B3GAT2: variants seen among roughly 807,000 people sequenced by gnomAD.
B3GAT2 encodes the protein galactosylgalactosylxylosylprotein 3-beta-glucuronosyltransferase 2.
Under a neutral mutation model 27.8 loss-of-function variants are expected in B3GAT2, and 26 were observed. That is an observed-to-expected ratio of 0.93 (90% confidence interval 0.68 to 1.30). The LOEUF is 1.30. Among genes scored for constraint, B3GAT2 ranks in the 50% most tolerant of loss-of-function variants. The pLI, the probability that B3GAT2 is intolerant of heterozygous loss-of-function variation, is 0.00. For missense variants in B3GAT2, 458 were observed against 459.0 expected (o/e 1.00, Z 0.02); for synonymous variants, 218 against 195.1 (o/e 1.12, Z -0.98).
chr6:70,894,622 G>A (rs948620927), intron 1 of B3GAT2, among the ~76,000 whole-genome samples: 11 of 152,196 alleles, frequency 7.2e-5, no homozygotes, highest in Admixed American at 2.0e-4. Context: ...CTTCCGAGGT[G>A]AGAAAGTTTA....
intron 2 of B3GAT2, among the ~76,000 whole-genome samples, chr6:70,866,833 A>G (rs1283396593): frequency 2.0e-5 from 3 of 152,252 alleles, no homozygotes; most frequent in African/African-American, 7.2e-5. Flanking sequence ...TGACATTTAT[A>G]GAACACTCCA....
intron 2 of B3GAT2, among the ~76,000 whole-genome samples, chr6:70,862,324 G>T (rs1582334995): frequency 6.6e-6 from 1 of 152,152 alleles, no homozygotes. Flanking sequence ...AATAAATGCA[G>T]CTGAAAAACA....
intron 2 of B3GAT2, among the ~76,000 whole-genome samples, chr6:70,866,539 T>C (rs1227734247): frequency 1.3e-5 from 2 of 152,042 alleles, no homozygotes; most frequent in Non-Finnish European, 2.9e-5. Context: ...AAAAATACAA[T>C]GTCTGAGATG....
chr6:70,902,731 A>G (rs1441555677), intron 1 of B3GAT2, among the ~76,000 whole-genome samples: 1 of 151,762 alleles, frequency 6.6e-6, no homozygotes, highest in Non-Finnish European at 1.5e-5. Flanking sequence ...GAAATCCTGT[A>G]ATTTGCAACA....
intron 2 of B3GAT2, among the ~76,000 whole-genome samples, chr6:70,865,276 G>A (rs558566989): frequency 6.6e-6 from 1 of 152,118 alleles, no homozygotes; most frequent in Admixed American, 6.5e-5. Flanking sequence ...ACAGACGTGG[G>A]CCTGGCTAAT....
At chr6:70,925,298 G>A (rs1038310211) in intron 1 of B3GAT2, among the ~76,000 whole-genome samples, 3 of 152,262 alleles carry the variant, frequency 2.0e-5, no homozygotes, top group African/African-American at 7.2e-5. Flanking sequence ...ACTGGGACTT[G>A]TTGGACAGTG....
chr6:70,937,447 C>CA (rs544353448), intron 1 of B3GAT2, among the ~76,000 whole-genome samples: 2 of 151,760 alleles, frequency 1.3e-5, no homozygotes, highest in African/African-American at 4.8e-5. Context: ...GAGACACAGC[C>CA]AAAAAAGAGA....
intron 2 of B3GAT2, among the ~76,000 whole-genome samples, chr6:70,872,396 T>C (rs1401839236): frequency 6.6e-6 from 1 of 151,988 alleles, no homozygotes; most frequent in African/African-American, 2.4e-5. Flanking sequence ...TTTATAGTTA[T>C]ATCTTCTTGA....
At chr6:70,867,070 T>C (rs866233473) in intron 2 of B3GAT2, among the ~76,000 whole-genome samples, 1 of 151,950 alleles carries the variant, frequency 6.6e-6, no homozygotes, top group African/African-American at 2.4e-5. Context: ...CTAAGCAAAA[T>C]ACAAACCAAA....
At chr6:70,931,156 G>T (rs562232458) in intron 1 of B3GAT2, among the ~76,000 whole-genome samples, 69 of 152,200 alleles carry the variant, frequency 4.5e-4, no homozygotes, top group African/African-American at 1.6e-3. Flanking sequence ...GACACATGGT[G>T]GGGAACATCA....
chr6:70,894,279 A>G lies in B3GAT2; in HGVS notation c.592-7T>C. 2 of 1,571,582 alleles carry G rather than the reference A, an allele frequency of 1.3e-6. No homozygotes were observed. The highest frequency in any genetic ancestry group is 1.7e-6 in the Non-Finnish European group (2 of 1,159,194). On this transcript the variant is annotated splice_polypyrimidine_tract_variant and splice_region_variant and intron_variant, in intron 1 of 3. Coordinates refer to ENST00000230053, the MANE Select transcript of B3GAT2 (RefSeq NM_080742.3). The stretch of plus-strand genomic sequence containing the variant: ...CCTTGCGGGTGGTTCGCATCTATAA[A>G]AAGGGAAAAGACATGTGTTTTAAGT...
Position 70,860,750 on chromosome 6 carries a change from T to TAATC in B3GAT2, c.*909_*912dup. 1 of 400,418 alleles carries TAATC rather than the reference T, an allele frequency of 2.5e-6. No homozygotes were observed. The highest frequency in any genetic ancestry group is 4.4e-6 in the Non-Finnish European group (1 of 226,876). 24.8% of individuals were successfully genotyped at this position (400,418 alleles called of 1,614,324 possible). On this transcript the variant is annotated 3_prime_UTR_variant, in exon 4 of 4. Transcript: ENST00000230053. ...GGAAGGTACTGTATGATCAAATGTT[T>TAATC]AATCATATAAATAGAATGTAAATGT...
intron 1 of B3GAT2, among the ~76,000 whole-genome samples, chr6:70,929,127 G>A (rs1246667666): frequency 4.6e-5 from 7 of 151,754 alleles, no homozygotes; most frequent in Admixed American, 2.0e-4. Context: ...ACCAAACACC[G>A]CATGTTCTCA....
chr6:70,913,046 T>C (rs1456356661), intron 1 of B3GAT2, among the ~76,000 whole-genome samples: 1 of 152,186 alleles, frequency 6.6e-6, no homozygotes, highest in Non-Finnish European at 1.5e-5. Flanking sequence ...TAAGTTTATT[T>C]GGATCTGCTC....
intron 1 of B3GAT2, among the ~76,000 whole-genome samples, chr6:70,950,919 A>G (rs1202522535): frequency 6.6e-6 from 1 of 152,180 alleles, no homozygotes; most frequent in Admixed American, 6.6e-5. Flanking sequence ...TTAAAATTGT[A>G]TGCAAAAATT....
intron 2 of B3GAT2, among the ~76,000 whole-genome samples, chr6:70,890,892 T>C (rs1208801408): frequency 1.3e-5 from 2 of 152,244 alleles, no homozygotes; most frequent in Non-Finnish European, 2.9e-5. Flanking sequence ...CATCCTAGAA[T>C]TAATAATAAG....
rs776301142 is a variant in B3GAT2 at position 70,857,078 on chromosome 6, C to A, written c.*4585G>T. 6 of 1,492,386 alleles carry A rather than the reference C, an allele frequency of 4.0e-6. No homozygotes were observed. The highest frequency in any genetic ancestry group is 5.4e-6 in the Non-Finnish European group (6 of 1,108,250). The allele number at this position is 1,492,386 out of a possible 1,614,324, so 92.4% of individuals were successfully genotyped here. A position where few individuals can be genotyped will look rare whatever the true frequency, so the allele number is the denominator to read the frequency against. Reference sequence around the variant, plus strand: ...TTCAGTGACATTACTAGAAGTACATCCTTTGTAATTATATAATAAGATCAA... The same window carrying A: ...TTCAGTGACATTACTAGAAGTACATACTTTGTAATTATATAATAAGATCAA... On this transcript the variant is annotated 3_prime_UTR_variant, in exon 4 of 4. Transcript: ENST00000230053.
At chr6:70,927,536 C>T (rs1244266002) in intron 1 of B3GAT2, among the ~76,000 whole-genome samples, 2 of 152,010 alleles carry the variant, frequency 1.3e-5, no homozygotes, top group Non-Finnish European at 2.9e-5. Context: ...CTAGTCTCTG[C>T]TAAAACAGAC....
In B3GAT2 at chr6:70,945,910, C is replaced by T. The variant is rs546670255; in HGVS notation, c.591+9929G>A. Among the ~76,000 whole-genome samples the T allele has an allele frequency of 1.8e-3, 272 of 151,686 alleles. 1 individual carries two copies. Among genetic ancestry groups the T allele is most frequent in the African/African-American group, 6.1e-3 (252 of 41,296 alleles). On this transcript the variant is annotated intron_variant, in intron 1 of 3. Coordinates refer to ENST00000230053, the MANE Select transcript of B3GAT2 (RefSeq NM_080742.3). ...TCTACAAGCCAGAAGAGAGTGGGGG[C>T]CAATATTCAACAATCTTAAAGAAAA...
Sources: gnomAD v4.1 joint callset for allele counts (sites outside exome capture counted in the v4.1 genomes callset) on GRCh38, gnomAD v4.1.1 for gene constraint, MANE v1.5 for transcripts, NCBI Gene and HGNC (gene_info 2026-07-23, HGNC 2026-07-21) for gene names.